The following ARSB variants were observed in gnomAD, a reference collection of about 807,000 sequenced individuals.
ARSB encodes the protein arylsulfatase B, also known as N-acetylgalactosamine-4-sulfatase.
Under a neutral mutation model 50.9 loss-of-function variants are expected in ARSB, and 41 were observed. The ratio of observed to expected loss-of-function variants is 0.81; its 90% confidence interval spans 0.63 to 1.04. The LOEUF is 1.04. Among genes scored for constraint, ARSB ranks in the 50% least tolerant of loss-of-function variants. The pLI is 0.00. For missense variants in ARSB, 672 were observed against 693.3 expected, an observed-to-expected ratio of 0.97 and a Z score of 0.35; for synonymous variants, 269 against 284.8, an observed-to-expected ratio of 0.94 and a Z score of 0.56.
intron 4 of ARSB, among the ~76,000 whole-genome samples, chr5:78,891,888 C>T (rs1255004916): frequency 6.8e-6 from 1 of 146,800 alleles, no homozygotes; most frequent in Non-Finnish European, 1.5e-5. Flanking sequence ...TTTCCCCTAT[C>T]ACCCCTACTG....
Position 78,969,010 on chromosome 5 carries a change from G to A in ARSB, c.495C>T (p.Tyr165=). Residue 165 remains tyrosine, a synonymous_variant, in exon 2 of 8, where the codon TAC becomes TAT. Transcript: ENST00000264914. Reference sequence around the variant, plus strand: ...AAACATGTGCATTTCCATTACCAAAGTAGGTATCAAATCCTCGGCGGGTTG... The same window carrying A: ...AAACATGTGCATTTCCATTACCAAAATAGGTATCAAATCCTCGGCGGGTTG... ...CLPTRRGFDT[Y]FGYLLGSEDY... 6.2e-7 allele frequency: 1 copy of A among 1,614,172 alleles called. No individual in the cohort carries two copies. The highest frequency in any genetic ancestry group is 1.1e-5 in the South Asian group (1 of 91,082).
chr5:78,815,711 C>T, intron 6 of ARSB: 1 of 1,065,890 alleles, frequency 9.4e-7, no homozygotes, highest in Non-Finnish European at 1.1e-6. Flanking sequence ...TACTGTAAGA[C>T]AAGTATAAAG....
intron 6 of ARSB, among the ~76,000 whole-genome samples, chr5:78,795,655 C>T (rs769878275): frequency 6.6e-6 from 1 of 152,058 alleles, no homozygotes; most frequent in Admixed American, 6.5e-5. Context: ...TCTTACAACA[C>T]GAAACAGGAG....
chr5:78,947,984 A>G (rs1021962485), intron 4 of ARSB, among the ~76,000 whole-genome samples: 1 of 152,238 alleles, frequency 6.6e-6, no homozygotes, highest in African/African-American at 2.4e-5. Context: ...ACGTGCAACA[A>G]CATGGAGGGA....
intron 1 of ARSB, among the ~76,000 whole-genome samples, chr5:78,970,477 A>G (rs4704541): frequency 0.25 from 37,810 of 152,110 alleles, 4,776 homozygotes; most frequent in Admixed American, 0.31. Context: ...TTGAATGGTA[A>G]CAACCCATTT....
intron 5 of ARSB, among the ~76,000 whole-genome samples, chr5:78,852,715 T>G (rs1023199131): frequency 6.6e-6 from 1 of 152,174 alleles, no homozygotes; most frequent in Non-Finnish European, 1.5e-5. Context: ...AGATTTGGTC[T>G]TTTCACATAG....
At chr5:78,905,374 T>G (rs1749016419) in intron 4 of ARSB, among the ~76,000 whole-genome samples, 2 of 132,748 alleles carry the variant, frequency 1.5e-5, no homozygotes, top group South Asian at 4.8e-4. Context: ...TGAGTAATTT[T>G]GGACTGTCTA....
At chr5:78,786,774 C>T (rs1749090811) in intron 6 of ARSB, among the ~76,000 whole-genome samples, 1 of 152,166 alleles carries the variant, frequency 6.6e-6, no homozygotes, top group Non-Finnish European at 1.5e-5. Context: ...CACATGCCAT[C>T]ATGCCCAGCT....
chr5:78,983,670 A>G (rs1753016555), intron 1 of ARSB, among the ~76,000 whole-genome samples: 1 of 152,158 alleles, frequency 6.6e-6, no homozygotes, highest in Admixed American at 6.5e-5. Flanking sequence ...CTTTACTCCC[A>G]TTTCTAACCT....
At chr5:78,801,668 C>T (rs1193804640) in intron 6 of ARSB, among the ~76,000 whole-genome samples, 5 of 152,118 alleles carry the variant, frequency 3.3e-5, no homozygotes, top group African/African-American at 1.2e-4. Flanking sequence ...TTCTCGGCCT[C>T]CCTTGCAGTT....
At chr5:78,930,275 G>T (rs1412888151) in intron 4 of ARSB, among the ~76,000 whole-genome samples, 1 of 152,146 alleles carries the variant, frequency 6.6e-6, no homozygotes, top group Admixed American at 6.5e-5. Context: ...TATCTGAATA[G>T]TTCACCAGAT....
At chr5:78,979,430 A>G (rs1752802761) in intron 1 of ARSB, among the ~76,000 whole-genome samples, 1 of 152,232 alleles carries the variant, frequency 6.6e-6, no homozygotes, top group African/African-American at 2.4e-5. Flanking sequence ...ACAATTTCCA[A>G]TTCCTCAAAG....
chr5:78,807,867 G>T (rs1219995890), intron 6 of ARSB, among the ~76,000 whole-genome samples: 1 of 151,992 alleles, frequency 6.6e-6, no homozygotes, highest in Non-Finnish European at 1.5e-5. Context: ...GCCGAGGCGG[G>T]CGGATCACGA....
chr5:78,832,220 T>C (rs1210376153), intron 6 of ARSB, among the ~76,000 whole-genome samples: 1 of 152,104 alleles, frequency 6.6e-6, no homozygotes, highest in African/African-American at 2.4e-5. Flanking sequence ...CACTGAACTC[T>C]ACAGAAGGCG....
At chr5:78,898,971 T>A (rs924395361) in intron 4 of ARSB, among the ~76,000 whole-genome samples, 1 of 152,238 alleles carries the variant, frequency 6.6e-6, no homozygotes, top group Non-Finnish European at 1.5e-5. Flanking sequence ...CTGCCTTTAG[T>A]ATTTCTTGCA....
chr5:78,853,579 C>T (rs1294399374), intron 5 of ARSB, among the ~76,000 whole-genome samples: 3 of 152,228 alleles, frequency 2.0e-5, no homozygotes, highest in East Asian at 1.9e-4. Flanking sequence ...AACCACTGCT[C>T]TCTTCAAAGC....
intron 5 of ARSB, among the ~76,000 whole-genome samples, chr5:78,855,906 A>G (rs973660572): frequency 6.6e-6 from 1 of 152,114 alleles, no homozygotes; most frequent in Non-Finnish European, 1.5e-5. Context: ...GGCCATCCCA[A>G]GTTTCTGTGC....
At chr5:78,885,475 T>G in intron 5 of ARSB, 109 bp downstream of exon 5, 1 of 1,483,398 alleles carries the variant, frequency 6.7e-7, no homozygotes, top group Non-Finnish European at 9.1e-7. Flanking sequence ...AATCATGTAT[T>G]TGTAAGCTGA....
chr5:78,862,239 T>C (rs2112104298), intron 5 of ARSB, among the ~76,000 whole-genome samples: 1 of 152,308 alleles, frequency 6.6e-6, no homozygotes, highest in South Asian at 2.1e-4. Flanking sequence ...TACCAATGAC[T>C]TTCTTCACAG....
Sources: allele counts gnomAD v4.1 joint callset (sites outside exome capture counted in the v4.1 genomes callset), GRCh38; gene constraint gnomAD v4.1.1; transcripts MANE v1.5; gene names NCBI Gene and HGNC (gene_info 2026-07-23, HGNC 2026-07-21).